HM13: variants seen among roughly 807,000 people sequenced by gnomAD.
HM13 encodes signal peptide peptidase.
A neutral mutation model predicts 50.0 loss-of-function variants in HM13; 18 were observed. The observed-to-expected ratio is 0.36, with a 90% CI of 0.25 to 0.53. The LOEUF (loss-of-function observed/expected upper bound fraction) is 0.53. Ranked by LOEUF, HM13 falls within the 20% of genes least tolerant of loss-of-function variation. The pLI is 0.90. For synonymous variants in HM13, 197 were observed against 232.6 expected, an observed-to-expected ratio of 0.85 and a Z score of 1.39; for missense variants, 393 against 552.4, an observed-to-expected ratio of 0.71 and a Z score of 2.89.
chr20:31,561,237 C>T (rs1287815176), intron 9 of HM13, among the ~76,000 whole-genome samples: 1 of 152,184 alleles, frequency 6.6e-6, no homozygotes, highest in Non-Finnish European at 1.5e-5. Context: ...ATGCAGATTC[C>T]TGGGCCCTGC....
chr20:31,553,836 A>C (rs1348163094), intron 7 of HM13, among the ~76,000 whole-genome samples: 1 of 152,098 alleles, frequency 6.6e-6, no homozygotes, highest in African/African-American at 2.4e-5. Context: ...GAAGGAGCTT[A>C]TAGCCCGGGC....
In HM13 at chr20:31,569,326, C is replaced by T. The variant is rs998481934; in HGVS notation, c.*107C>T. On this transcript the variant is annotated 3_prime_UTR_variant, in exon 13 of 13. Transcript: ENST00000398174. ...CAGGAGGCCAAGGGCAGCTCCAGGA[C>T]AGGGCAGGGGGCAGCAGGATACCTC... is the stretch of plus-strand genomic sequence containing the variant. 1 of 725,352 alleles carries T rather than the reference C, an allele frequency of 1.4e-6. No individual in the cohort carries two copies. The highest frequency in any genetic ancestry group is 4.0e-4 in the Middle Eastern group (1 of 2,510). 44.9% of individuals were successfully genotyped at this position (725,352 alleles called of 1,614,324 possible). A position where few individuals can be genotyped will look rare whatever the true frequency, so the allele number is the denominator to read the frequency against.
chr20:31,568,068 T>C lies in HM13; in HGVS notation c.1035-10T>C. 1 of 1,599,380 alleles carries C rather than the reference T, an allele frequency of 6.3e-7. No individual in the cohort carries two copies. Among genetic ancestry groups the C allele is most frequent in the Non-Finnish European group, 8.5e-7 (1 of 1,172,512 alleles). ...TCTTTTTTTCTGTCTCTTCTCTCTC[T>C]CTCACACAGCTACGAGTCCTCGGCG... On this transcript the variant is annotated splice_polypyrimidine_tract_variant and intron_variant, in intron 11 of 12. Coordinates refer to ENST00000398174, the MANE Select transcript of HM13 (RefSeq NM_178581.3).
At chr20:31,555,673 T>C (rs989904213) in intron 8 of HM13, among the ~76,000 whole-genome samples, 2 of 152,032 alleles carry the variant, frequency 1.3e-5, no homozygotes, top group Admixed American at 1.3e-4. Flanking sequence ...GAAGCTTGCT[T>C]AAAAGAAGGT....
At chr20:31,546,598 A>C (rs760478360) in intron 4 of HM13, among the ~76,000 whole-genome samples, 3 of 151,844 alleles carry the variant, frequency 2.0e-5, no homozygotes, top group East Asian at 3.9e-4. Flanking sequence ...TAAAAACACA[A>C]AAAAAATTAG....
chr20:31,519,762 CATT>C (rs896199325), intron 1 of HM13, among the ~76,000 whole-genome samples: 6 of 151,792 alleles, frequency 4.0e-5, no homozygotes, highest in East Asian at 3.9e-4. Context: ...AAATTAATAA[CATT>C]ATACATTTTT....
chr20:31,567,984 C>A, intron 11 of HM13, 94 bp from the exon 12 acceptor site: 1 of 1,111,802 alleles, frequency 9.0e-7, no homozygotes, highest in Non-Finnish European at 1.3e-6. Flanking sequence ...CAAGACAGTT[C>A]TGCTCTCTGC....
chr20:31,521,254 C>T (rs374879813), intron 1 of HM13, among the ~76,000 whole-genome samples: 10 of 152,102 alleles, frequency 6.6e-5, no homozygotes, highest in African/African-American at 2.2e-4. Flanking sequence ...ACTTTCCAAC[C>T]GAAATTTCCA....
At chr20:31,568,612 A>G (rs533726153) in intron 12 of HM13, among the ~76,000 whole-genome samples, 1 of 152,320 alleles carries the variant, frequency 6.6e-6, no homozygotes, top group East Asian at 1.9e-4. Flanking sequence ...CTTTGGCATG[A>G]ACTCAGTTGC....
At chr20:31,543,659 C>T (rs961709472) in intron 3 of HM13, among the ~76,000 whole-genome samples, 13 of 151,620 alleles carry the variant, frequency 8.6e-5, no homozygotes, top group African/African-American at 3.1e-4. Flanking sequence ...TGGCCGGGCG[C>T]GGTGGCTTAC....
At chr20:31,517,872 C>T (rs1023230218) in intron 1 of HM13, among the ~76,000 whole-genome samples, 4 of 152,038 alleles carry the variant, frequency 2.6e-5, no homozygotes, top group African/African-American at 7.2e-5. Context: ...GGAAAAGCCT[C>T]CTGGGCACTA....
intron 3 of HM13, chr20:31,540,447 C>T (rs746960976): frequency 6.6e-6 from 1 of 152,218 alleles, no homozygotes; most frequent in Non-Finnish European, 1.5e-5. Context: ...ACCCCCAAGT[C>T]TCCCCACAGC....
chr20:31,554,843 T>C lies in HM13; in HGVS notation c.808+14T>C, dbSNP rs1984224860. 6.2e-7 allele frequency: 1 copy of C among 1,609,186 alleles called. No individual in the cohort carries two copies. Among genetic ancestry groups the C allele is most frequent in the Non-Finnish European group, 8.5e-7 (1 of 1,175,652 alleles). ...TCGTCATTCCAGGTGAGCCTGCTGG[T>C]GTGGGGGCTATGTGAAAGGGGTGGA... On this transcript the variant is annotated intron_variant, in intron 8 of 12. Coordinates refer to ENST00000398174, the MANE Select transcript of HM13 (RefSeq NM_178581.3).
Position 31,544,815 on chromosome 20 carries a change from G to A in HM13, c.366-132G>A, listed in dbSNP as rs1983620429. 40 of 712,022 alleles carry A rather than the reference G, an allele frequency of 5.6e-5. 1 individual carries two copies. In the South Asian group the frequency reaches 5.7e-4, roughly 10 times the overall value. The allele number at this position is 712,022 out of a possible 1,614,324, so 44.1% of individuals were successfully genotyped here. ...TTTGAGGGCCTCTGTTTTCACATCTGTAGAGTGGGAACAGTAACACCTACC... is the reference window on the plus strand; with the variant it reads ...TTTGAGGGCCTCTGTTTTCACATCTATAGAGTGGGAACAGTAACACCTACC... On this transcript the variant is annotated intron_variant, in intron 3 of 12. Coordinates refer to ENST00000398174, the MANE Select transcript of HM13 (RefSeq NM_178581.3).
intron 2 of HM13, chr20:31,528,150 ACAT>A (rs760723594): frequency 1.3e-5 from 2 of 152,046 alleles, no homozygotes; most frequent in African/African-American, 4.8e-5. Flanking sequence ...CACATTAATA[ACAT>A]CATAAACATT....
chr20:31,538,328 A>C (rs759957424), intron 3 of HM13, 67 bp downstream of exon 3: 1 of 1,613,188 alleles, frequency 6.2e-7, no homozygotes, highest in Non-Finnish European at 8.5e-7. Context: ...GTCTTGGATG[A>C]GAACATGACT....
chr20:31,515,401 C>G (rs1981711272), intron 1 of HM13, among the ~76,000 whole-genome samples: 1 of 152,246 alleles, frequency 6.6e-6, no homozygotes, highest in African/African-American at 2.4e-5. Context: ...CTTGGTGCCT[C>G]TACTTTCCAA....
At chr20:31,565,785 ACAAG>A in intron 10 of HM13, among the ~76,000 whole-genome samples, 1 of 152,184 alleles carries the variant, frequency 6.6e-6, no homozygotes, top group Non-Finnish European at 1.5e-5. Flanking sequence ...ACAGGCTGCA[ACAAG>A]TAGTTATTAC....
chr20:31,528,405 C>T (rs747674512), intron 2 of HM13, among the ~76,000 whole-genome samples: 10 of 152,164 alleles, frequency 6.6e-5, no homozygotes, highest in Non-Finnish European at 1.3e-4. Context: ...CAGCCTCAAC[C>T]TCTTAGGCTC....
Sources: gnomAD v4.1 joint callset for allele counts (sites outside exome capture counted in the v4.1 genomes callset) on GRCh38, gnomAD v4.1.1 for gene constraint, MANE v1.5 for transcripts, NCBI Gene and HGNC (gene_info 2026-07-23, HGNC 2026-07-21) for gene names.